SGIP1: variants seen among roughly 807,000 people sequenced by gnomAD.
The protein encoded by SGIP1 is SH3-containing GRB2-like protein 3-interacting protein 1.
A neutral mutation model predicts 107.5 loss-of-function variants in SGIP1; 38 were observed. That is an observed-to-expected ratio of 0.35 (90% CI 0.27 to 0.46). The LOEUF (loss-of-function observed/expected upper bound fraction) is 0.46. Ranked by LOEUF, SGIP1 falls within the 20% of genes least tolerant of loss-of-function variation. SGIP1 has a pLI of 1.00. For missense variants in SGIP1, 929 were observed against 1,019.5 expected (o/e 0.91, Z 1.21); for synonymous variants, 365 against 366.1 (o/e 1.00, Z 0.03).
intron 1 of SGIP1, among the ~76,000 whole-genome samples, chr1:66,545,275 A>G (rs531246372): frequency 6.6e-6 from 1 of 152,322 alleles, no homozygotes; most frequent in Admixed American, 6.5e-5. Context: ...CCAGCCAGAC[A>G]GAGCTCCTTG....
chr1:66,685,133 T>C (rs1471853191), intron 15 of SGIP1, among the ~76,000 whole-genome samples: 2 of 152,246 alleles, frequency 1.3e-5, no homozygotes, highest in Non-Finnish European at 2.9e-5. Context: ...TAGCAGTGCT[T>C]CTCACTACCT....
In SGIP1 at chr1:66,748,532, A is replaced by T. The variant is rs2094583672; in HGVS notation, c.*5437A>T. On this transcript the variant is annotated 3_prime_UTR_variant, in exon 25 of 25. Transcript: ENST00000371037. ...AGACACCTATTTGTTGGCATTGACC[A>T]TGGGTATAATAATTTATTCTCTAGG... Among the ~76,000 whole-genome samples, 1 of 152,004 alleles carries T rather than the reference A, an allele frequency of 6.6e-6. No homozygotes were observed. The highest frequency in any genetic ancestry group is 2.1e-4 in the South Asian group (1 of 4,826).
intron 1 of SGIP1, among the ~76,000 whole-genome samples, chr1:66,591,435 T>A (rs1349665353): frequency 1.3e-5 from 2 of 152,234 alleles, no homozygotes; most frequent in Non-Finnish European, 2.9e-5. Flanking sequence ...CTGTATTTTT[T>A]CTTTTTAATA....
chr1:66,582,106 A>G (rs2061904581), intron 1 of SGIP1, among the ~76,000 whole-genome samples: 2 of 152,066 alleles, frequency 1.3e-5, no homozygotes, highest in Admixed American at 6.6e-5. Context: ...TACTCAATGC[A>G]CTTTCCATTC....
intron 20 of SGIP1, among the ~76,000 whole-genome samples, chr1:66,731,098 T>C (rs2093988308): frequency 6.6e-6 from 1 of 152,238 alleles, no homozygotes; most frequent in Non-Finnish European, 1.5e-5. Flanking sequence ...GGTACCCTGT[T>C]CTTTTCCTTT....
intron 19 of SGIP1, among the ~76,000 whole-genome samples, chr1:66,720,549 A>G (rs2093478930): frequency 6.6e-6 from 1 of 152,146 alleles, no homozygotes. Context: ...CAACATAGGG[A>G]GAGCCTGCCT....
intron 1 of SGIP1, among the ~76,000 whole-genome samples, chr1:66,538,323 A>G (rs1479859673): frequency 6.6e-6 from 1 of 152,180 alleles, no homozygotes; most frequent in Admixed American, 6.5e-5. Context: ...TTAAATGATG[A>G]AATTACTTTA....
chr1:66,644,729 G>A (rs556968258), intron 7 of SGIP1, among the ~76,000 whole-genome samples: 3 of 152,208 alleles, frequency 2.0e-5, no homozygotes, highest in South Asian at 2.1e-4. Context: ...CTATAATGAC[G>A]CTTTCTTTAG....
intron 18 of SGIP1, among the ~76,000 whole-genome samples, chr1:66,715,483 G>T (rs2093184813): frequency 6.6e-6 from 1 of 152,040 alleles, no homozygotes. Context: ...GGGGGGCGTG[G>T]GGGAGGTGGG....
chr1:66,660,607 T>C (rs565060281), intron 8 of SGIP1, 83 bp downstream of exon 8: 16 of 1,252,654 alleles, frequency 1.3e-5, no homozygotes, highest in South Asian at 2.4e-5. Flanking sequence ...AATGACTGAC[T>C]GTGTTTAACA....
intron 20 of SGIP1, among the ~76,000 whole-genome samples, chr1:66,730,537 T>C (rs2093959265): frequency 6.6e-6 from 1 of 152,156 alleles, no homozygotes; most frequent in African/African-American, 2.4e-5. Context: ...CTTTTCCCCA[T>C]ACCACTGCAA....
chr1:66,726,292 TA>T (rs369062179), intron 19 of SGIP1, among the ~76,000 whole-genome samples: 20 of 152,166 alleles, frequency 1.3e-4, no homozygotes, highest in African/African-American at 4.6e-4. Flanking sequence ...AAAAATACAA[TA>T]AAGATCCGTT....
At chr1:66,674,128 A>G (rs2084596464) in intron 12 of SGIP1, among the ~76,000 whole-genome samples, 1 of 152,114 alleles carries the variant, frequency 6.6e-6, no homozygotes, top group Non-Finnish European at 1.5e-5. Context: ...TGATCACACC[A>G]TTGCACTCCA....
chr1:66,607,241 G>A (rs188602604), intron 1 of SGIP1, among the ~76,000 whole-genome samples: 2 of 152,276 alleles, frequency 1.3e-5, no homozygotes, highest in Admixed American at 1.3e-4. Flanking sequence ...ACGAAACACT[G>A]TTTAGTTATC....
intron 1 of SGIP1, among the ~76,000 whole-genome samples, chr1:66,574,420 C>G (rs2060778970): frequency 6.6e-6 from 1 of 152,110 alleles, no homozygotes; most frequent in Non-Finnish European, 1.5e-5. Context: ...CTTATTGGTG[C>G]TTATCTCCAA....
At chr1:66,576,870 T>C (rs1483462899) in intron 1 of SGIP1, among the ~76,000 whole-genome samples, 1 of 151,826 alleles carries the variant, frequency 6.6e-6, no homozygotes, top group Non-Finnish European at 1.5e-5. Flanking sequence ...AGACAAGGGG[T>C]ATTATTGTCT....
At chr1:66,598,493 A>G (rs188973152) in intron 1 of SGIP1, among the ~76,000 whole-genome samples, 1 of 152,336 alleles carries the variant, frequency 6.6e-6, no homozygotes. Flanking sequence ...CTCATGTGCT[A>G]TAAAGAAATA....
chr1:66,703,402 T>C (rs116344556), intron 18 of SGIP1, among the ~76,000 whole-genome samples: 377 of 152,220 alleles, frequency 2.5e-3, no homozygotes, highest in African/African-American at 8.7e-3. Context: ...TAGAGTCTAA[T>C]AGAAAATCTT....
chr1:66,615,278 G>C (rs4233317), intron 1 of SGIP1, among the ~76,000 whole-genome samples: 22,385 of 151,976 alleles, frequency 0.15, 2,176 homozygotes, highest in East Asian at 0.46. Flanking sequence ...GGGATTACAG[G>C]CATGCGCCCT....
Sources: gnomAD v4.1 joint callset for allele counts (sites outside exome capture counted in the v4.1 genomes callset) on GRCh38, gnomAD v4.1.1 for gene constraint, MANE v1.5 for transcripts, NCBI Gene and HGNC (gene_info 2026-07-23, HGNC 2026-07-21) for gene names.